Variants in MAP2K1 observed in about 807,000 individuals in gnomAD.
MAP2K1 encodes the protein mitogen-activated protein kinase kinase 1.
In MAP2K1, 16 loss-of-function variants were observed where a neutral mutation model predicts 46.3. That is an observed-to-expected ratio of 0.35 (90% confidence interval 0.23 to 0.52). The LOEUF (loss-of-function observed/expected upper bound fraction) is 0.52. Ranked by LOEUF, MAP2K1 falls within the 20% of genes least tolerant of loss-of-function variation. The pLI is 0.94. For synonymous variants in MAP2K1, 183 were observed against 185.6 expected (o/e 0.99, Z 0.11); for missense variants, 263 against 497.1 (o/e 0.53, Z 4.48).
chr15:66,392,232 G>A (rs1282473273), intron 1 of MAP2K1, among the ~76,000 whole-genome samples: 5 of 113,476 alleles, frequency 4.4e-5, no homozygotes, highest in Admixed American at 3.7e-4. Context: ...GGAGAACCAC[G>A]AATATTTGTG....
At chr15:66,489,173 C>G (rs967052020) in intron 8 of MAP2K1, 42 bp from the exon 9 acceptor site, 32 of 1,541,972 alleles carry the variant, frequency 2.1e-5, no homozygotes, top group Non-Finnish European at 2.6e-5. Context: ...ATGGCTGGAG[C>G]AAGGAGCCAG....
intron 1 of MAP2K1, among the ~76,000 whole-genome samples, chr15:66,407,157 A>G (rs1397093385): frequency 6.6e-6 from 1 of 152,042 alleles, no homozygotes; most frequent in Non-Finnish European, 1.5e-5. Flanking sequence ...TAACTTCTAG[A>G]AAGTTGGGAA....
intron 5 of MAP2K1, among the ~76,000 whole-genome samples, chr15:66,480,040 G>C (rs1394719159): frequency 6.6e-6 from 1 of 151,712 alleles, no homozygotes. Flanking sequence ...GAGTAGCTGG[G>C]ATTACAAGCA....
At chr15:66,433,839 A>T (rs1390030841) in intron 1 of MAP2K1, among the ~76,000 whole-genome samples, 2 of 152,224 alleles carry the variant, frequency 1.3e-5, no homozygotes, top group Non-Finnish European at 2.9e-5. Context: ...AATGAAATCC[A>T]GTGAAACACA....
intron 1 of MAP2K1, among the ~76,000 whole-genome samples, chr15:66,410,208 T>C (rs74019598): frequency 0.1 from 15,514 of 152,258 alleles, 975 homozygotes; most frequent in East Asian, 0.34. Context: ...GTCTATGGCA[T>C]GTTCAGTTTG....
At chr15:66,419,351 C>G (rs1009410339) in intron 1 of MAP2K1, among the ~76,000 whole-genome samples, 1 of 151,850 alleles carries the variant, frequency 6.6e-6, no homozygotes, top group Non-Finnish European at 1.5e-5. Flanking sequence ...AAAACCCCGT[C>G]TCTACTAAAA....
chr15:66,463,628 G>C (rs1039601892), intron 5 of MAP2K1, among the ~76,000 whole-genome samples: 1 of 152,120 alleles, frequency 6.6e-6, no homozygotes, highest in Non-Finnish European at 1.5e-5. Flanking sequence ...GATTACAGGC[G>C]CCTGCCACTA....
At chr15:66,461,821 C>G (rs1312839482) in intron 5 of MAP2K1, among the ~76,000 whole-genome samples, 1 of 152,078 alleles carries the variant, frequency 6.6e-6, no homozygotes, top group East Asian at 1.9e-4. Flanking sequence ...TGGAAGTTTC[C>G]TTCTAGCCTG....
chr15:66,420,855 G>GTGTATATATATA (rs1567003243), intron 1 of MAP2K1, among the ~76,000 whole-genome samples: 17 of 104,108 alleles, frequency 1.6e-4, no homozygotes, highest in African/African-American at 6.6e-4. Flanking sequence ...GTATATATAT[G>GTGTATATATATA]TGTGTATATA....
intron 1 of MAP2K1, among the ~76,000 whole-genome samples, chr15:66,410,404 T>G (rs956342937): frequency 1.3e-5 from 2 of 151,888 alleles, no homozygotes; most frequent in African/African-American, 4.8e-5. Flanking sequence ...GGATTTAACT[T>G]TTAGGAAAAA....
chr15:66,446,354 G>T (rs1891866890), intron 5 of MAP2K1: 1 of 153,322 alleles, frequency 6.5e-6, no homozygotes. Context: ...CAGGAGAATG[G>T]TGTCAACCCA....
At position 66,397,462 on chromosome 15, in the gene MAP2K1, A is replaced by C. The variant is rs375860564; in HGVS notation, c.80+10035A>C. On this transcript the variant is annotated intron_variant, in intron 1 of 10. Coordinates refer to ENST00000307102, the MANE Select transcript of MAP2K1 (RefSeq NM_002755.4). The stretch of plus-strand genomic sequence containing the variant: ...ACATACACGGAAGCACTTTATGGGG[A>C]GGCAAGAGTGGGAAAAGAAAAAAGC... Among the ~76,000 whole-genome samples the C allele has an allele frequency of 4.5e-4, 68 of 152,266 alleles. No individual in the cohort carries two copies. The East Asian group carries it at 7.2e-3, about 16-fold the overall frequency.
intron 5 of MAP2K1, among the ~76,000 whole-genome samples, chr15:66,455,113 C>A (rs62010226): frequency 1.9e-3 from 289 of 152,174 alleles, no homozygotes; most frequent in Non-Finnish European, 2.1e-3. Context: ...CAGTGATCTC[C>A]CAGAGGGGTC....
chr15:66,447,316 T>G (rs1891896045), intron 5 of MAP2K1, among the ~76,000 whole-genome samples: 1 of 152,168 alleles, frequency 6.6e-6, no homozygotes, highest in Non-Finnish European at 1.5e-5. Context: ...GGTCACTTAA[T>G]TATGACAGTG....
chr15:66,490,313 G>A lies in MAP2K1; in HGVS notation c.1069-189G>A, dbSNP rs1319185803. The stretch of plus-strand genomic sequence containing the variant: ...GAGGTGACTTGCCCAAGGCCTCACA[G>A]CTGCTGTGACTGGTGGAGCAGGTCT... On this transcript the variant is annotated intron_variant, in intron 10 of 10. Transcript: ENST00000307102. The A allele has an allele frequency of 4.9e-5, 34 of 699,130 alleles. No individual in the cohort carries two copies. The Admixed American group carries it at 6.6e-4, about 14-fold the overall frequency. The allele number at this position is 699,130 out of a possible 1,614,324, so 43.3% of individuals were successfully genotyped here.
intron 1 of MAP2K1, among the ~76,000 whole-genome samples, chr15:66,434,121 C>T (rs1595860388): frequency 6.6e-6 from 1 of 152,158 alleles, no homozygotes; most frequent in African/African-American, 2.4e-5. Flanking sequence ...TGAAATGTAG[C>T]TGCAAATGAA....
chr15:66,462,491 T>C (rs1892349661), intron 5 of MAP2K1, among the ~76,000 whole-genome samples: 1 of 120,846 alleles, frequency 8.3e-6, no homozygotes. Flanking sequence ...AGCAAGACTC[T>C]GTCTCAAAAA....
chr15:66,400,680 G>T (rs1026941652), intron 1 of MAP2K1, among the ~76,000 whole-genome samples: 1 of 152,106 alleles, frequency 6.6e-6, no homozygotes, highest in Non-Finnish European at 1.5e-5. Context: ...CTAAGTTTTC[G>T]TCTTCTCCTC....
chr15:66,389,951 A>C (rs576752526), intron 1 of MAP2K1, among the ~76,000 whole-genome samples: 1 of 152,306 alleles, frequency 6.6e-6, no homozygotes, highest in Non-Finnish European at 1.5e-5. Context: ...GATAGAACCT[A>C]CTTAGCATAG....
Sources: gnomAD v4.1 joint callset for allele counts (sites outside exome capture counted in the v4.1 genomes callset) on GRCh38, gnomAD v4.1.1 for gene constraint, MANE v1.5 for transcripts, NCBI Gene and HGNC (gene_info 2026-07-23, HGNC 2026-07-21) for gene names.